The following TTLL11 variants were observed in gnomAD, a reference collection of about 807,000 sequenced individuals.
The protein encoded by TTLL11 is tubulin polyglutamylase TTLL11.
A neutral mutation model predicts 51.7 loss-of-function variants in TTLL11; 42 were observed. The observed-to-expected ratio is 0.81, with a 90% confidence interval of 0.64 to 1.05. The LOEUF is 1.05. Among genes scored for constraint, TTLL11 ranks in the 50% least tolerant of loss-of-function variants. The pLI is 0.00. For synonymous variants in TTLL11, 381 were observed against 383.5 expected (o/e 0.99, Z 0.08); for missense variants, 799 against 940.4 (o/e 0.85, Z 1.97).
rs73662572 is a variant in TTLL11 at position 122,031,871 on chromosome 9, C to A, written c.560-15G>T. On this transcript the variant is annotated splice_polypyrimidine_tract_variant and intron_variant, in intron 2 of 8. Transcript: ENST00000321582. ...CTCCGTCATGCCTGGGGAGAAGAGA[C>A]GCTGTGAGGTTTTAACAACAGTGGG... The A allele has an allele frequency of 2.8e-5, 45 of 1,608,772 alleles. No individual in the cohort carries two copies. The highest frequency in any genetic ancestry group is 1.6e-4 in the Middle Eastern group (1 of 6,066).
At position 121,818,701 on chromosome 9, in the gene TTLL11, C is replaced by T; in HGVS notation, c.*3886G>A. 6.6e-6 allele frequency: 1 copy of T among 152,584 alleles called. No homozygotes were observed. The highest frequency in any genetic ancestry group is 1.9e-4 in the East Asian group (1 of 5,202). 9.5% of individuals were successfully genotyped at this position (152,584 alleles called of 1,614,324 possible). Reference sequence around the variant, plus strand: ...TGCCACTGGGCAGAGGAAGGCCATTCCAGGCAGAGGGGCCAGCAAGACAAG... The same window carrying T: ...TGCCACTGGGCAGAGGAAGGCCATTTCAGGCAGAGGGGCCAGCAAGACAAG... On this transcript the variant is annotated 3_prime_UTR_variant, in exon 9 of 9. Transcript: ENST00000321582.
intron 1 of TTLL11, among the ~76,000 whole-genome samples, chr9:122,046,928 C>A (rs556103646): frequency 2.0e-5 from 3 of 152,194 alleles, no homozygotes; most frequent in East Asian, 1.9e-4. Flanking sequence ...GTACCTCCTA[C>A]GCGCCAAAGG....
chr9:122,006,872 G>C (rs1004648775), intron 3 of TTLL11, among the ~76,000 whole-genome samples: 2 of 148,784 alleles, frequency 1.3e-5, no homozygotes, highest in Non-Finnish European at 3.0e-5. Flanking sequence ...TGTAATTCCA[G>C]CTACTCTGGA....
intron 6 of TTLL11, among the ~76,000 whole-genome samples, chr9:121,878,024 CAG>C (rs1287627896): frequency 6.6e-6 from 1 of 152,214 alleles, no homozygotes; most frequent in Non-Finnish European, 1.5e-5. Context: ...AAGTGAGCTT[CAG>C]AGAGGTTAAC....
Position 121,995,234 on chromosome 9 carries a change from C to T in TTLL11, c.694-5464G>A, listed in dbSNP as rs888121496. On this transcript the variant is annotated intron_variant, in intron 3 of 8. Transcript: ENST00000321582. This position sits in a 1 kb window ranked among gnomAD's most constrained non-coding sequence, Gnocchi z 4.4. ...GGCACCTGGGAGCCAGAGGCTGGAA[C>T]GGGCAGAACAGACCCCAAACACCCT... 3.3e-5 allele frequency among the ~76,000 whole-genome samples: 5 copies of T among 152,098 alleles called. No individual in the cohort carries two copies. The highest frequency in any genetic ancestry group is 7.2e-5 in the African/African-American group (3 of 41,404).
At chr9:121,888,685 C>T (rs1279855462) in intron 6 of TTLL11, among the ~76,000 whole-genome samples, 1 of 152,256 alleles carries the variant, frequency 6.6e-6, no homozygotes, top group Non-Finnish European at 1.5e-5. Context: ...TCAAATACCT[C>T]AACTACGAGC....
At chr9:122,045,093 C>A (rs1033088666) in intron 1 of TTLL11, among the ~76,000 whole-genome samples, 2 of 151,240 alleles carry the variant, frequency 1.3e-5, no homozygotes, top group African/African-American at 2.4e-5. Context: ...ATGATAGAGA[C>A]CCTATCTAAA....
chr9:121,902,282 A>G (rs181703374), intron 6 of TTLL11, among the ~76,000 whole-genome samples: 4 of 152,332 alleles, frequency 2.6e-5, no homozygotes, highest in African/African-American at 9.6e-5. Flanking sequence ...TATGATGAAC[A>G]TATTTTCCTG....
intron 4 of TTLL11, among the ~76,000 whole-genome samples, chr9:121,986,445 C>T (rs545246763): frequency 1.8e-4 from 28 of 152,330 alleles, no homozygotes; most frequent in African/African-American, 6.7e-4. Context: ...CAACTTATCT[C>T]CTTGACCCTA....
intron 8 of TTLL11, among the ~76,000 whole-genome samples, chr9:121,841,060 C>G (rs28494880): frequency 0.034 from 5,134 of 152,030 alleles, 253 homozygotes; most frequent in African/African-American, 0.11. Flanking sequence ...GCAGGGAGGG[C>G]AGGGAGAAGG....
intron 3 of TTLL11, among the ~76,000 whole-genome samples, chr9:121,990,524 A>C (rs1344929029): frequency 6.6e-6 from 1 of 152,170 alleles, no homozygotes; most frequent in Non-Finnish European, 1.5e-5. Context: ...TAGATTGATG[A>C]CTGAAGCCCT....
chr9:121,911,536 CA>C (rs1840118540), intron 6 of TTLL11, among the ~76,000 whole-genome samples: 1 of 152,140 alleles, frequency 6.6e-6, no homozygotes, highest in African/African-American at 2.4e-5. Context: ...GAAACCAACC[CA>C]AATGCCCATC....
chr9:121,837,772 A>T (rs904542674), intron 8 of TTLL11, among the ~76,000 whole-genome samples: 1 of 151,722 alleles, frequency 6.6e-6, no homozygotes, highest in South Asian at 2.1e-4. Flanking sequence ...GAGGATGTCC[A>T]CTCCCTGTCT....
At position 121,826,796 on chromosome 9, in the gene TTLL11, A is replaced by G. The variant is rs1407040657; in HGVS notation, c.1841-3917T>C. Among the ~76,000 whole-genome samples, 4 of 151,942 alleles carry G rather than the reference A, an allele frequency of 2.6e-5. No homozygotes were observed. In the East Asian group the frequency reaches 7.8e-4, roughly 30 times the overall value. On this transcript the variant is annotated intron_variant, in intron 8 of 8. Coordinates refer to ENST00000321582, the MANE Select transcript of TTLL11 (RefSeq NM_001139442.2). ...GGGCATCGGTGGAGGCTTTTGGCAAAGTGGGCATGACAGTGGGGCCTTGCA... is the reference window on the plus strand; with the variant it reads ...GGGCATCGGTGGAGGCTTTTGGCAAGGTGGGCATGACAGTGGGGCCTTGCA...
chr9:121,864,545 T>C (rs750843125), intron 7 of TTLL11, among the ~76,000 whole-genome samples: 6 of 152,216 alleles, frequency 3.9e-5, no homozygotes, highest in Non-Finnish European at 5.9e-5. Flanking sequence ...GGAAGCTCTC[T>C]GCGTCTACAT....
chr9:121,832,261 T>C (rs1837040739), intron 8 of TTLL11, among the ~76,000 whole-genome samples: 2 of 152,144 alleles, frequency 1.3e-5, no homozygotes, highest in South Asian at 2.1e-4. Flanking sequence ...CTCCTACTAC[T>C]ACTCAAGTCT....
intron 1 of TTLL11, among the ~76,000 whole-genome samples, chr9:122,055,734 A>G (rs975271184): frequency 6.6e-6 from 1 of 152,236 alleles, no homozygotes; most frequent in Non-Finnish European, 1.5e-5. Flanking sequence ...TCAAATTTCC[A>G]GTCAAAGCTC....
At chr9:121,878,279 T>C (rs1447795009) in intron 6 of TTLL11, among the ~76,000 whole-genome samples, 2 of 152,094 alleles carry the variant, frequency 1.3e-5, no homozygotes, top group Non-Finnish European at 2.9e-5. Context: ...TCAAGATGAA[T>C]CTGCTTGGGG....
intron 6 of TTLL11, among the ~76,000 whole-genome samples, chr9:121,920,449 C>T (rs1840492420): frequency 6.6e-6 from 1 of 152,182 alleles, no homozygotes; most frequent in Admixed American, 6.5e-5. Flanking sequence ...TGATCTAAAC[C>T]AGATGAGCTC....
Sources: allele counts gnomAD v4.1 joint callset (sites outside exome capture counted in the v4.1 genomes callset), GRCh38; gene constraint gnomAD v4.1.1; non-coding constraint Gnocchi (gnomAD v3.1); transcripts MANE v1.5; gene names NCBI Gene and HGNC (gene_info 2026-07-23, HGNC 2026-07-21).